The following DLG1 variants were observed in gnomAD, a reference collection of about 807,000 sequenced individuals.
DLG1 encodes discs large MAGUK scaffold protein 1.
DLG1 carries 42 observed loss-of-function variants against 123.4 expected under a neutral mutation model. The ratio of observed to expected loss-of-function variants is 0.34; its 90% CI spans 0.27 to 0.44. The LOEUF (loss-of-function observed/expected upper bound fraction) is 0.44, where lower values mean the gene tolerates loss of function less well. Ranked by LOEUF, DLG1 falls within the 20% of genes least tolerant of loss-of-function variation. The probability of loss-of-function intolerance (pLI) is 1.00; values close to 1 mark genes in which losing one functional copy is unlikely to be tolerated. For synonymous variants in DLG1, 317 were observed against 356.2 expected (o/e 0.89, Z 1.24); for missense variants, 942 against 1,082.6 (o/e 0.87, Z 1.82).
intron 3 of DLG1, among the ~76,000 whole-genome samples, chr3:197,287,094 C>T (rs1772240084): frequency 1.3e-5 from 2 of 151,612 alleles, no homozygotes; most frequent in African/African-American, 2.4e-5. Context: ...TGGTCTCAAA[C>T]TCCTGGGCTC....
rs1177258764 is a variant in DLG1, at chr3:197,183,988, T to C, written c.483+10437A>G. On this transcript the variant is annotated intron_variant, in intron 5 of 24. Transcript: ENST00000667157. Reference sequence around the variant, plus strand: ...TGATTTCTTCCTATGAAAGAGCTCGTATCTTCCCTCTGTACCTGTTAGCTG... The same window carrying C: ...TGATTTCTTCCTATGAAAGAGCTCGCATCTTCCCTCTGTACCTGTTAGCTG... The C allele has an allele frequency of 3.5e-6, 5 of 1,418,356 alleles. No homozygotes were observed. The East Asian group carries it at 1.3e-4, about 36-fold the overall frequency. 87.9% of individuals were successfully genotyped at this position (1,418,356 alleles called of 1,614,324 possible).
intron 3 of DLG1, among the ~76,000 whole-genome samples, chr3:197,284,027 A>G (rs1370245699): frequency 6.6e-6 from 1 of 151,784 alleles, no homozygotes; most frequent in African/African-American, 2.4e-5. Flanking sequence ...TGCCTGGCTA[A>G]TTTTTGTACT....
intron 4 of DLG1, among the ~76,000 whole-genome samples, chr3:197,273,656 A>G (rs938149538): frequency 6.6e-6 from 1 of 152,244 alleles, no homozygotes; most frequent in East Asian, 1.9e-4. Flanking sequence ...CCTTAACACC[A>G]TTCAGTCAGA....
intron 3 of DLG1, among the ~76,000 whole-genome samples, chr3:197,284,144 A>G (rs1770707807): frequency 6.6e-6 from 1 of 152,106 alleles, no homozygotes; most frequent in Non-Finnish European, 1.5e-5. Flanking sequence ...TACAGGTGTG[A>G]GCCAGTGCAC....
chr3:197,246,641 C>T (rs1429056497), intron 4 of DLG1, among the ~76,000 whole-genome samples: 1 of 152,146 alleles, frequency 6.6e-6, no homozygotes, highest in East Asian at 1.9e-4. Context: ...GTTGGTGACC[C>T]CCATGTTCTT....
intron 4 of DLG1, among the ~76,000 whole-genome samples, chr3:197,273,017 T>C (rs1484841285): frequency 1.3e-5 from 2 of 152,206 alleles, no homozygotes; most frequent in Non-Finnish European, 2.9e-5. Context: ...CAGAACCTGT[T>C]AGCAGTCATT....
chr3:197,145,221 C>CCCT (rs1790149267), intron 6 of DLG1, among the ~76,000 whole-genome samples: 1 of 152,070 alleles, frequency 6.6e-6, no homozygotes, highest in Non-Finnish European at 1.5e-5. Flanking sequence ...CAGCAATATC[C>CCCT]CCTTTCTTAT....
chr3:197,051,287 C>T (rs1355023775), intron 24 of DLG1, among the ~76,000 whole-genome samples: 3 of 148,332 alleles, frequency 2.0e-5, no homozygotes, highest in Non-Finnish European at 3.0e-5. Context: ...GCAGGAGAAT[C>T]GCTTGAGCCA....
At chr3:197,098,112 T>G (rs1437680172) in intron 14 of DLG1, among the ~76,000 whole-genome samples, 1 of 152,212 alleles carries the variant, frequency 6.6e-6, no homozygotes, top group Non-Finnish European at 1.5e-5. Flanking sequence ...CTGTTGCTCT[T>G]GAAACAAAAG....
chr3:197,231,710 AC>A (rs1310058690), intron 4 of DLG1, among the ~76,000 whole-genome samples: 2 of 149,588 alleles, frequency 1.3e-5, no homozygotes, highest in East Asian at 2.0e-4. Context: ...AAAAAAAAAA[AC>A]AACAAAAAAC....
chr3:197,154,967 G>GC (rs1369255874), intron 5 of DLG1, among the ~76,000 whole-genome samples: 1 of 152,102 alleles, frequency 6.6e-6, no homozygotes, highest in African/African-American at 2.4e-5. Context: ...ACCAACTAAT[G>GC]CATTGTGGGA....
At position 197,043,366 on chromosome 3, in the gene DLG1, A is replaced by G. The variant is rs1468255222; in HGVS notation, c.*1257T>C. ...CGGACAACAACAAAAAACCTCAGGA[A>G]CCATTTGAAAACCTTTGTAGAAAAG... On this transcript the variant is annotated 3_prime_UTR_variant, in exon 25 of 25. Coordinates refer to ENST00000667157, the MANE Select transcript of DLG1 (RefSeq NM_001366207.1). 6.6e-6 allele frequency: 1 copy of G among 152,158 alleles called. No individual in the cohort carries two copies. Among genetic ancestry groups the G allele is most frequent in the Non-Finnish European group, 1.5e-5 (1 of 68,030 alleles). The allele number at this position is 152,158 out of a possible 1,614,324, so 9.4% of individuals were successfully genotyped here. A position where few individuals can be genotyped will look rare whatever the true frequency, so the allele number is the denominator to read the frequency against.
chr3:197,081,146 A>C, intron 16 of DLG1, 29 bp from the exon 17 acceptor site: 1 of 1,597,046 alleles, frequency 6.3e-7, no homozygotes, highest in Non-Finnish European at 8.6e-7. Context: ...TTATTTTTTA[A>C]GTAAACCAAA....
chr3:197,058,747 C>T (rs1733661070), intron 23 of DLG1, among the ~76,000 whole-genome samples: 1 of 152,156 alleles, frequency 6.6e-6, no homozygotes, highest in South Asian at 2.1e-4. Flanking sequence ...CATACCTTCA[C>T]TGATTTTTAT....
intron 5 of DLG1, among the ~76,000 whole-genome samples, chr3:197,182,638 T>C (rs1191178711): frequency 6.6e-6 from 1 of 152,158 alleles, no homozygotes; most frequent in African/African-American, 2.4e-5. Flanking sequence ...CTAAGGAATG[T>C]GTATGTATGT....
intron 16 of DLG1, among the ~76,000 whole-genome samples, chr3:197,082,487 A>C (rs1013333268): frequency 3.9e-5 from 6 of 152,234 alleles, no homozygotes; most frequent in Non-Finnish European, 2.9e-5. Flanking sequence ...ACAGCACCAC[A>C]AAACTAGCAT....
intron 22 of DLG1, among the ~76,000 whole-genome samples, chr3:197,060,967 C>G (rs962805872): frequency 6.6e-6 from 1 of 152,172 alleles, no homozygotes; most frequent in African/African-American, 2.4e-5. Flanking sequence ...CCACACCCAG[C>G]TGATTTTTGT....
At chr3:197,046,781 G>A (rs1050936428) in intron 24 of DLG1, among the ~76,000 whole-genome samples, 1 of 151,820 alleles carries the variant, frequency 6.6e-6, no homozygotes, top group African/African-American at 2.4e-5. Flanking sequence ...GAGGTGGGAG[G>A]ATCACTTGAG....
chr3:197,115,305 T>G (rs1040480657), intron 13 of DLG1, among the ~76,000 whole-genome samples: 2 of 151,678 alleles, frequency 1.3e-5, no homozygotes, highest in South Asian at 4.1e-4. Context: ...AAATTGTGTA[T>G]GGGTAACAAC....
Sources: gnomAD v4.1 joint callset for allele counts (sites outside exome capture counted in the v4.1 genomes callset) on GRCh38, gnomAD v4.1.1 for gene constraint, MANE v1.5 for transcripts, NCBI Gene and HGNC (gene_info 2026-07-23, HGNC 2026-07-21) for gene names.